Variants in GALNT5 observed in about 807,000 individuals in gnomAD.
GALNT5 encodes the protein polypeptide N-acetylgalactosaminyltransferase 5, also known as UDP-GalNAc:polypeptide N-acetylgalactosaminyltransferase 5.
GALNT5 carries 72 observed loss-of-function variants against 85.4 expected under a neutral mutation model. That is an observed-to-expected ratio of 0.84 (90% CI 0.70 to 1.03). The LOEUF (loss-of-function observed/expected upper bound fraction) is 1.03. Among genes scored for constraint, GALNT5 ranks in the 50% least tolerant of loss-of-function variants. The probability of loss-of-function intolerance (pLI) is 0.00; values close to 1 mark genes in which losing one functional copy is unlikely to be tolerated. For synonymous variants in GALNT5, 404 were observed against 397.0 expected (o/e 1.02, Z -0.21); for missense variants, 1,137 against 1,135.5 (o/e 1.00, Z -0.02).
Position 157,259,594 on chromosome 2 carries a change from G to A in GALNT5, c.1454+58G>A. ...CCAAGTGCTTTGGCTGTTATGTAAA[G>A]AGGATTTATTGCTAGATAATTCTGT... On this transcript the variant is annotated intron_variant, in intron 1 of 9. Transcript: ENST00000259056. 3.3e-6 allele frequency: 4 copies of A among 1,195,954 alleles called. No homozygotes were observed. The African/African-American group carries it at 4.7e-5, about 14-fold the overall frequency. 74.1% of individuals were successfully genotyped at this position (1,195,954 alleles called of 1,614,324 possible).
Position 157,315,529 on chromosome 2 carries a change from C to G in GALNT5, c.*4181C>G, listed in dbSNP as rs188956672. ...GTATTGAGATGAGATTGAATTAAAC[C>G]CCTTTGGCCTCTTTTGGATGTTGTA... On this transcript the variant is annotated 3_prime_UTR_variant, in exon 10 of 10. Coordinates refer to ENST00000259056, the MANE Select transcript of GALNT5 (RefSeq NM_014568.3). Among the ~76,000 whole-genome samples the G allele has an allele frequency of 6.7e-4, 102 of 152,100 alleles. No individual in the cohort carries two copies. The highest frequency in any genetic ancestry group is 1.1e-3 in the Non-Finnish European group (74 of 67,984).
chr2:157,258,003 T>C lies in GALNT5; in HGVS notation c.-80T>C. 1 of 1,493,356 alleles carries C rather than the reference T, an allele frequency of 6.7e-7. No individual in the cohort carries two copies. Among genetic ancestry groups the C allele is most frequent in the Non-Finnish European group, 9.2e-7 (1 of 1,083,404 alleles). 92.5% of individuals were successfully genotyped at this position (1,493,356 alleles called of 1,614,324 possible). On this transcript the variant is annotated 5_prime_UTR_variant, in exon 1 of 10. Coordinates refer to ENST00000259056, the MANE Select transcript of GALNT5 (RefSeq NM_014568.3). ...CTGGCAACTCTGCTGCTGCTGCTGC[T>C]GCTGCTGCTACTTCAGCTTCCTCTC...
At position 157,261,047 on chromosome 2, in the gene GALNT5, CT is replaced by C. The variant is rs1463098611; in HGVS notation, c.1454+1512del. Among the ~76,000 whole-genome samples the C allele has an allele frequency of 4.6e-5, 7 of 152,258 alleles. No homozygotes were observed. In the East Asian group the frequency reaches 1.4e-3, roughly 29 times the overall value. On this transcript the variant is annotated intron_variant, in intron 1 of 9. Transcript: ENST00000259056. Reference sequence around the variant, plus strand: ...CTCTTCCATCTCTTGCCAATCTCCCCTCAAAAAGGATCCTAAAAATTGTGTT... The same window carrying C: ...CTCTTCCATCTCTTGCCAATCTCCCCCAAAAAGGATCCTAAAAATTGTGTT...
chr2:157,310,505 G>A (rs1212633608), intron 9 of GALNT5, among the ~76,000 whole-genome samples: 1 of 152,030 alleles, frequency 6.6e-6, no homozygotes, highest in African/African-American at 2.4e-5. Flanking sequence ...AGTCACCCCT[G>A]TTTGATAACT....
intron 8 of GALNT5, 117 bp from the exon 9 acceptor site, chr2:157,308,450 A>AT (rs1403868657): frequency 1.8e-5 from 13 of 702,744 alleles, no homozygotes; most frequent in Non-Finnish European, 2.9e-5. Context: ...CAGGACTTGA[A>AT]TATAAAATGT....
In GALNT5 at chr2:157,258,771, G is replaced by C. The variant is rs757021329; in HGVS notation, c.689G>C (p.Arg230Pro). ...ISLSTDRPKQ[R>P]SQAVANERAH... is the part of the protein sequence containing the mutation. ...CTTAGTACTGATAGACCAAAGCAGCGATCACAGGCAGTAGCAAACGAGAGG... is the reference window on the plus strand; with the variant it reads ...CTTAGTACTGATAGACCAAAGCAGCCATCACAGGCAGTAGCAAACGAGAGG... The change falls in exon 1 of 10, where the codon CGA becomes CCA. Residue 230 changes from arginine (R) to proline (P), a missense_variant. Coordinates refer to ENST00000259056, the MANE Select transcript of GALNT5 (RefSeq NM_014568.3). The C allele has an allele frequency of 8.7e-6, 14 of 1,610,358 alleles. No individual in the cohort carries two copies. The Admixed American group carries it at 2.0e-4, about 23-fold the overall frequency.
At chr2:157,306,055 C>T (rs1683448531) in intron 8 of GALNT5, among the ~76,000 whole-genome samples, 1 of 152,206 alleles carries the variant, frequency 6.6e-6, no homozygotes, top group African/African-American at 2.4e-5. Context: ...CTGGCACCAT[C>T]ATTTGCAAAA....
chr2:157,287,817 C>A (rs1215633328), intron 3 of GALNT5, among the ~76,000 whole-genome samples: 1 of 152,200 alleles, frequency 6.6e-6, no homozygotes, highest in East Asian at 1.9e-4. Flanking sequence ...ATGGAAGGAT[C>A]TGTGCCCTGT....
At chr2:157,293,404 G>A (rs1683141382) in intron 3 of GALNT5, among the ~76,000 whole-genome samples, 1 of 152,090 alleles carries the variant, frequency 6.6e-6, no homozygotes, top group Admixed American at 6.5e-5. Flanking sequence ...TCCTACTTAA[G>A]AAGACTCCAC....
At chr2:157,265,646 G>T (rs1255003208) in intron 1 of GALNT5, among the ~76,000 whole-genome samples, 2 of 152,118 alleles carry the variant, frequency 1.3e-5, no homozygotes, top group Admixed American at 6.5e-5. Context: ...CTGTAATATT[G>T]CCCTGGTACT....
chr2:157,261,029 A>G (rs1682328935), intron 1 of GALNT5, among the ~76,000 whole-genome samples: 1 of 152,176 alleles, frequency 6.6e-6, no homozygotes, highest in South Asian at 2.1e-4. Flanking sequence ...ACTCTCTTCC[A>G]TCTCTTGCCA....
chr2:157,317,752 G>A lies in GALNT5; in HGVS notation c.*6404G>A, dbSNP rs749472280. On this transcript the variant is annotated 3_prime_UTR_variant, in exon 10 of 10. Transcript: ENST00000259056. ...TTTCCAAAATTCTCCTGTGCTGGCA[G>A]TTAGCTACTAGAGATCATCATTTGA... Among the ~76,000 whole-genome samples, 1 of 152,114 alleles carries A rather than the reference G, an allele frequency of 6.6e-6. No homozygotes were observed. Among genetic ancestry groups the A allele is most frequent in the Non-Finnish European group, 1.5e-5 (1 of 67,996 alleles).
chr2:157,301,247 G>C (rs912473352), intron 7 of GALNT5, among the ~76,000 whole-genome samples: 1 of 152,220 alleles, frequency 6.6e-6, no homozygotes, highest in Non-Finnish European at 1.5e-5. Context: ...TTCAGACTTG[G>C]ATTACAGGGT....
chr2:157,275,806 AT>A (rs1438007018), intron 1 of GALNT5, among the ~76,000 whole-genome samples: 1 of 152,194 alleles, frequency 6.6e-6, no homozygotes, highest in African/African-American at 2.4e-5. Flanking sequence ...TCCTAATTGA[AT>A]ACCCTTTATT....
chr2:157,258,642 A>C lies in GALNT5; in HGVS notation c.560A>C (p.His187Pro), dbSNP rs1357896375. 6.2e-7 allele frequency: 1 copy of C among 1,613,700 alleles called. No homozygotes were observed. Among genetic ancestry groups the C allele is most frequent in the African/African-American group, 1.3e-5 (1 of 74,854 alleles). ...ACTCAGGTAGTCAAAATATCAGTAC[A>C]CATGGGACGTGTCAGTTTAAAACAG... is the stretch of plus-strand genomic sequence containing the variant. ...KGTQVVKISV[H>P]MGRVSLKQEP... The change falls in exon 1 of 10, where the codon CAC becomes CCC. Residue 187 changes from histidine to proline, a missense_variant. Coordinates refer to ENST00000259056, the MANE Select transcript of GALNT5 (RefSeq NM_014568.3).
At position 157,258,543 on chromosome 2, in the gene GALNT5, CCT is replaced by C; in HGVS notation, c.465_466del (p.His156ProfsTer46). On this transcript the variant is annotated frameshift_variant, in exon 1 of 10. Coordinates refer to ENST00000259056, the MANE Select transcript of GALNT5 (RefSeq NM_014568.3). LOFTEE classifies it high-confidence loss of function. ...GGGAGAGGCACCAAACCTGAAGCCT[CCT>C]CTCACCAGGGGACACCAAAGCAAAC... The C allele has an allele frequency of 6.2e-7, 1 of 1,612,976 alleles. No homozygotes were observed.
chr2:157,270,533 A>G (rs1392328857), intron 1 of GALNT5, among the ~76,000 whole-genome samples: 1 of 152,210 alleles, frequency 6.6e-6, no homozygotes, highest in African/African-American at 2.4e-5. Context: ...GCATAAATAT[A>G]TTTGTATACG....
At position 157,296,480 on chromosome 2, in the gene GALNT5, CA is replaced by C. The variant is rs778901995; in HGVS notation, c.1970del (p.Asn657ThrfsTer9). 1.9e-6 allele frequency: 3 copies of C among 1,608,862 alleles called. No individual in the cohort carries two copies. The highest frequency in any genetic ancestry group is 1.7e-6 in the Non-Finnish European group (2 of 1,175,748). On this transcript the variant is annotated frameshift_variant, in exon 5 of 10. Transcript: ENST00000259056. LOFTEE classifies it high-confidence loss of function. ...AGAACAATTCCTCCAGATGTCATTG[CA>C]AAAAACAGAATTAAAGAAACTGATA... ...GWRTIPPDVI[A>X]KNRIKETDTI...
intron 7 of GALNT5, among the ~76,000 whole-genome samples, chr2:157,304,663 C>T (rs1574034929): frequency 6.6e-6 from 1 of 152,206 alleles, no homozygotes; most frequent in Admixed American, 6.5e-5. Context: ...TGTTTTTCTT[C>T]CATCCATATG....
Sources: allele counts gnomAD v4.1 joint callset (sites outside exome capture counted in the v4.1 genomes callset), GRCh38; gene constraint gnomAD v4.1.1; transcripts MANE v1.5; gene names NCBI Gene and HGNC (gene_info 2026-07-23, HGNC 2026-07-21).